PARD3: variants seen among roughly 807,000 people sequenced by gnomAD.
PARD3 encodes the protein partitioning defective 3 homolog.
PARD3 carries 75 observed loss-of-function variants against 155.4 expected under a neutral mutation model. The ratio of observed to expected loss-of-function variants is 0.48; its 90% confidence interval spans 0.40 to 0.58. The LOEUF is 0.58. PARD3 is among the 20% of genes least tolerant of loss of function. The pLI, the probability that PARD3 is intolerant of heterozygous loss-of-function variation, is 0.00. For synonymous variants in PARD3, 576 were observed against 610.5 expected (o/e 0.94, Z 0.83); for missense variants, 1,642 against 1,721.7 (o/e 0.95, Z 0.82).
At chr10:34,233,093 C>G (rs1384973101) in intron 22 of PARD3, among the ~76,000 whole-genome samples, 9 of 135,058 alleles carry the variant, frequency 6.7e-5, no homozygotes, top group African/African-American at 2.0e-4. Flanking sequence ...TTTACATTCC[C>G]TTGGACTCTC....
intron 2 of PARD3, among the ~76,000 whole-genome samples, chr10:34,539,640 G>C (rs1454486637): frequency 6.6e-6 from 1 of 152,184 alleles, no homozygotes; most frequent in African/African-American, 2.4e-5. Flanking sequence ...CAGTTTCGGT[G>C]ACACAGCGAG....
chr10:34,375,810 G>A (rs1332612436), intron 10 of PARD3, among the ~76,000 whole-genome samples: 3 of 152,172 alleles, frequency 2.0e-5, no homozygotes, highest in Admixed American at 6.5e-5. Flanking sequence ...AAATTTTCCT[G>A]TAGTTAAAAT....
intron 1 of PARD3, among the ~76,000 whole-genome samples, chr10:34,714,775 ATT>A (rs35679032): frequency 6.4e-4 from 92 of 144,326 alleles, no homozygotes; most frequent in Non-Finnish European, 6.7e-4. Flanking sequence ...ACACATCAAA[ATT>A]TTTTTTTTTT....
At chr10:34,673,997 AC>A (rs201851018) in intron 2 of PARD3, among the ~76,000 whole-genome samples, 2,762 of 147,050 alleles carry the variant, frequency 0.019, 116 homozygotes, top group African/African-American at 0.061. Context: ...AAAAAAAAAA[AC>A]AAACAAACAG....
At chr10:34,734,322 C>CTTTTTTTTTTTTTT (rs142307338) in intron 1 of PARD3, among the ~76,000 whole-genome samples, 1 of 67,980 alleles carries the variant, frequency 1.5e-5, no homozygotes, top group African/African-American at 6.0e-5. Context: ...ATATGGGGCC[C>CTTTTTTTTTTTTTT]TTTTTTTTTT....
Position 34,399,370 on chromosome 10 carries a change from G to A in PARD3, c.850C>T (p.Leu284=), listed in dbSNP as rs1386535711. 3.1e-6 allele frequency: 5 copies of A among 1,612,154 alleles called. No homozygotes were observed. The African/African-American group carries it at 4.0e-5, about 13-fold the overall frequency. Reference sequence around the variant, plus strand: ...CTGAAAGGCACTACGTGGATTCCCAGAGGCCCTCCATCGTTGGGGACTTCT... The same window carrying A: ...CTGAAAGGCACTACGTGGATTCCCAAAGGCCCTCCATCGTTGGGGACTTCT... The part of the protein sequence containing the change: ...LVEVPNDGGP[L]GIHVVPFSAR... Residue 284 remains leucine, a synonymous_variant, in exon 7 of 25, where the codon CTG becomes TTG. Transcript: ENST00000374788.
Position 34,779,312 on chromosome 10 carries a change from T to C in PARD3, c.120+35564A>G, listed in dbSNP as rs1345281817. On this transcript the variant is annotated intron_variant, in intron 1 of 24. Transcript: ENST00000374788. Reference sequence around the variant, plus strand: ...AAGAGCTAGACTCCATCTCAAAAAATAAAATAAAATAAAGCAGCCGGGCGC... The same window carrying C: ...AAGAGCTAGACTCCATCTCAAAAAACAAAATAAAATAAAGCAGCCGGGCGC... 3.2e-5 allele frequency among the ~76,000 whole-genome samples: 4 copies of C among 124,898 alleles called. No homozygotes were observed. In the East Asian group the frequency reaches 9.6e-4, roughly 30 times the overall value. The allele number at this position is 124,898 out of a possible 152,430, so 81.9% of individuals were successfully genotyped here. A position where few individuals can be genotyped will look rare whatever the true frequency, so the allele number is the denominator to read the frequency against.
Position 34,448,918 on chromosome 10 carries a change from C to CTTT in PARD3, c.714+1396_714+1398dup, listed in dbSNP as rs751029992. On this transcript the variant is annotated intron_variant, in intron 5 of 24. Transcript: ENST00000374788. ...CTATGTAATGTGATGGATAAATTAT[C>CTTT]TTTTTTTTTTTTTTTTTTGAGAGAG... Among the ~76,000 whole-genome samples, 840 of 133,796 alleles carry CTTT rather than the reference C, an allele frequency of 6.3e-3. 18 individuals are homozygous for CTTT. Among genetic ancestry groups the CTTT allele is most frequent in the African/African-American group, 0.02 (687 of 33,822 alleles). The allele number at this position is 133,796 out of a possible 152,430, so 87.8% of individuals were successfully genotyped here. A position where few individuals can be genotyped will look rare whatever the true frequency, so the allele number is the denominator to read the frequency against.
intron 1 of PARD3, among the ~76,000 whole-genome samples, chr10:34,814,559 C>T (rs1309872308): frequency 3.9e-5 from 6 of 151,980 alleles, no homozygotes; most frequent in Non-Finnish European, 8.8e-5. Flanking sequence ...GGTCTGCAGA[C>T]TCCGGGGAGG....
At chr10:34,243,343 T>C (rs1442550294) in intron 22 of PARD3, among the ~76,000 whole-genome samples, 2 of 152,212 alleles carry the variant, frequency 1.3e-5, no homozygotes, top group Non-Finnish European at 2.9e-5. Context: ...ATTAAGTACA[T>C]TGCCCAATAC....
chr10:34,291,727 A>G (rs1473055736), intron 20 of PARD3, among the ~76,000 whole-genome samples: 1 of 152,232 alleles, frequency 6.6e-6, no homozygotes, highest in Non-Finnish European at 1.5e-5. Flanking sequence ...TACTGAAAGT[A>G]GCTGGTTAAT....
chr10:34,303,749 G>A (rs1957268419), intron 20 of PARD3, among the ~76,000 whole-genome samples: 2 of 152,238 alleles, frequency 1.3e-5, no homozygotes, highest in South Asian at 4.1e-4. Flanking sequence ...AGCCCTGAGA[G>A]GTGAGCCAGT....
chr10:34,744,683 T>C (rs974585396), intron 1 of PARD3, among the ~76,000 whole-genome samples: 2 of 152,236 alleles, frequency 1.3e-5, no homozygotes, highest in African/African-American at 4.8e-5. Flanking sequence ...CACTTGCCTC[T>C]GACACAAAAT....
intron 5 of PARD3, among the ~76,000 whole-genome samples, chr10:34,446,761 T>A (rs982674127): frequency 1.3e-5 from 2 of 152,224 alleles, no homozygotes; most frequent in Non-Finnish European, 2.9e-5. Flanking sequence ...GGACATTTCC[T>A]GTGCCATCAC....
chr10:34,724,761 G>C (rs2094670444), intron 1 of PARD3, among the ~76,000 whole-genome samples: 1 of 152,342 alleles, frequency 6.6e-6, no homozygotes, highest in South Asian at 2.1e-4. Context: ...CAAGTCAGCT[G>C]GGCTGTGCTA....
At chr10:34,643,085 T>C (rs1224158215) in intron 2 of PARD3, among the ~76,000 whole-genome samples, 1 of 152,160 alleles carries the variant, frequency 6.6e-6, no homozygotes, top group Non-Finnish European at 1.5e-5. Flanking sequence ...GGCGGCACCA[T>C]CAATCCCCCC....
intron 1 of PARD3, among the ~76,000 whole-genome samples, chr10:34,787,252 G>A (rs958795546): frequency 2.6e-5 from 4 of 152,110 alleles, no homozygotes; most frequent in African/African-American, 4.8e-5. Context: ...GGTGGCGGGC[G>A]CCTGTAATCC....
chr10:34,234,310 GAATC>G (rs1953099818), intron 22 of PARD3, among the ~76,000 whole-genome samples: 2 of 151,238 alleles, frequency 1.3e-5, no homozygotes, highest in African/African-American at 4.9e-5. Flanking sequence ...TCAAAATTAT[GAATC>G]AGACTATGCT....
intron 2 of PARD3, among the ~76,000 whole-genome samples, chr10:34,676,656 C>T (rs976798352): frequency 1.3e-5 from 2 of 152,110 alleles, no homozygotes; most frequent in Non-Finnish European, 1.5e-5. Context: ...AAATGCTCGG[C>T]GGAATTTAAT....
Sources: allele counts gnomAD v4.1 joint callset (sites outside exome capture counted in the v4.1 genomes callset), GRCh38; gene constraint gnomAD v4.1.1; transcripts MANE v1.5; gene names NCBI Gene and HGNC (gene_info 2026-07-23, HGNC 2026-07-21).